Variants in KANK1 observed in about 807,000 individuals in gnomAD.
KANK1 encodes the protein KN motif and ankyrin repeat domains 1.
KANK1 carries 109 observed loss-of-function variants against 106.2 expected under a neutral mutation model. The ratio of observed to expected loss-of-function variants is 1.03; its 90% CI spans 0.88 to 1.20. KANK1 has a LOEUF of 1.20. KANK1 is among the 50% of genes most tolerant of loss of function. The pLI is 0.00. For synonymous variants in KANK1, 873 were observed against 652.2 expected (o/e 1.34, Z -5.16); for missense variants, 2,399 against 1,710.7 (o/e 1.40, Z -7.10).
chr9:732,310 T>C (rs1252860941), intron 5 of KANK1, 68 bp from the exon 6 acceptor site: 3 of 1,534,644 alleles, frequency 2.0e-6, no homozygotes, highest in Non-Finnish European at 1.8e-6. Context: ...AATCCCTTCA[T>C]AGAAATTTCT....
In KANK1 at chr9:730,124, G is replaced by T. The variant is rs1297029198; in HGVS notation, c.2772G>T (p.Gln924His). The change falls in exon 4 of 12, where the codon CAG becomes CAT. Residue 924 changes from glutamine to histidine, a missense_variant. Coordinates refer to ENST00000382297, the MANE Select transcript of KANK1 (RefSeq NM_015158.5). The part of the protein sequence containing the change: ...SGSPLSSQTS[Q>H]PEQEVGTSEG... ...GTCCCTTAAGCTCCCAGACATCCCA[G>T]CCTGAGCAAGAAGTGGGGACCTCAG... 1.2e-6 allele frequency: 2 copies of T among 1,614,060 alleles called. No individual in the cohort carries two copies. Among genetic ancestry groups the T allele is most frequent in the East Asian group, 2.2e-5 (1 of 44,892 alleles).
At chr9:474,572 CT>C (rs535370059) in intron 3 of KANK1, among the ~76,000 whole-genome samples, 6 of 152,186 alleles carry the variant, frequency 3.9e-5, no homozygotes, top group Non-Finnish European at 7.3e-5. Context: ...TTGATGCCCC[CT>C]ATCTTTTCCC....
chr9:503,656 AT>A (rs2058610050), upstream of KANK1, among the ~76,000 whole-genome samples: 1 of 152,164 alleles, frequency 6.6e-6, no homozygotes, highest in South Asian at 2.1e-4. Context: ...CCTTAAGAAA[AT>A]CAGTTGACTG....
At chr9:706,568 C>T (rs375605044) in intron 2 of KANK1, among the ~76,000 whole-genome samples, 7 of 138,066 alleles carry the variant, frequency 5.1e-5, no homozygotes, top group African/African-American at 5.4e-5. Flanking sequence ...CTGTATGTGG[C>T]TTTTTTTTTT....
At position 712,504 on chromosome 9, in the gene KANK1, C is replaced by T. The variant is rs1421637006; in HGVS notation, c.1738C>T (p.Arg580Ter). The change falls in exon 3 of 12, where the codon CGA becomes TGA. Residue 580 changes from arginine (R) to a stop codon, truncating the protein, a stop_gained. Coordinates refer to ENST00000382297, the MANE Select transcript of KANK1 (RefSeq NM_015158.5). LOFTEE classifies it high-confidence loss of function. The part of the protein sequence containing the change: ...IVKERVEMHD[R>*]CAGRSVEMCD... The stretch of plus-strand genomic sequence containing the variant: ...TAAGGAGAGGGTGGAAATGCATGAC[C>T]GATGTGCTGGGAGGTCTGTGGAAAT... 2.5e-6 allele frequency: 4 copies of T among 1,613,958 alleles called. No homozygotes were observed. Among genetic ancestry groups the T allele is most frequent in the Non-Finnish European group, 3.4e-6 (4 of 1,180,032 alleles).
intron 1 of KANK1, among the ~76,000 whole-genome samples, chr9:623,606 AAAAAAAAAAAGAAAAAG>A (rs1183755799): frequency 2.0e-5 from 3 of 150,132 alleles, no homozygotes; most frequent in Admixed American, 1.3e-4. Flanking sequence ...TTGTGTCTCA[AAAAAAAAAAAGAAAAAG>A]AAAAAAAAAA....
At chr9:638,678 C>G (rs1413611697) in intron 1 of KANK1, among the ~76,000 whole-genome samples, 1 of 152,172 alleles carries the variant, frequency 6.6e-6, no homozygotes, top group Non-Finnish European at 1.5e-5. Flanking sequence ...GATAGATGGA[C>G]TTTGTTGTCT....
Position 637,410 on chromosome 9 carries a change from A to G in KANK1, c.-83-39480A>G, listed in dbSNP as rs553671298. Among the ~76,000 whole-genome samples, 142 of 152,312 alleles carry G rather than the reference A, an allele frequency of 9.3e-4. 2 individuals carry two copies. The highest frequency in any genetic ancestry group is 3.2e-3 in the African/African-American group (133 of 41,564). On this transcript the variant is annotated intron_variant, in intron 1 of 11. Transcript: ENST00000382297. ...TTCAACATTCATTTCATTGTGACTAATGATGACTGATAGCTGATGTCATAA... is the reference window on the plus strand; with the variant it reads ...TTCAACATTCATTTCATTGTGACTAGTGATGACTGATAGCTGATGTCATAA...
At chr9:540,636 C>T (rs542718895) in intron 1 of KANK1, 6 of 152,302 alleles carry the variant, frequency 3.9e-5, no homozygotes, top group Non-Finnish European at 8.8e-5. Flanking sequence ...ACCAGTGAAG[C>T]CGTGACATCC....
At chr9:622,260 G>C (rs895214360) in intron 1 of KANK1, among the ~76,000 whole-genome samples, 16 of 152,154 alleles carry the variant, frequency 1.1e-4, no homozygotes, top group African/African-American at 3.9e-4. Context: ...TTAATAATCT[G>C]TGTATATTGT....
intron 1 of KANK1, among the ~76,000 whole-genome samples, chr9:505,475 C>G (rs2058710340): frequency 6.6e-6 from 1 of 152,212 alleles, no homozygotes; most frequent in Non-Finnish European, 1.5e-5. Context: ...CGGGCTGGTC[C>G]CCGAATGTTG....
intron 2 of KANK1, chr9:677,509 T>A (rs10975748): frequency 0.071 from 10,762 of 152,436 alleles, 463 homozygotes; most frequent in Non-Finnish European, 0.094. Flanking sequence ...GACCTGTATT[T>A]GAATTCTTAT....
chr9:709,580 G>A (rs1825343073), intron 2 of KANK1, among the ~76,000 whole-genome samples: 1 of 150,238 alleles, frequency 6.7e-6, no homozygotes, highest in Admixed American at 6.6e-5. Flanking sequence ...GATGACCAAT[G>A]AAATTATCTA....
intron 3 of KANK1, among the ~76,000 whole-genome samples, chr9:728,190 T>C (rs1831248671): frequency 6.6e-6 from 1 of 152,122 alleles, no homozygotes; most frequent in Non-Finnish European, 1.5e-5. Flanking sequence ...TCTTTTTTTG[T>C]TTTGTTTCTT....
intron 1 of KANK1, among the ~76,000 whole-genome samples, chr9:621,693 A>G (rs1274301208): frequency 6.6e-6 from 1 of 152,086 alleles, no homozygotes; most frequent in African/African-American, 2.4e-5. Context: ...GCTCTCAGCA[A>G]GAGCATGGGT....
chr9:710,867 A>G lies in KANK1; in HGVS notation c.101A>G (p.Glu34Gly). Reference protein sequence around the residue: ...DKEQKDPYFVETPYGYQLDLD... With the variant: ...DKEQKDPYFVGTPYGYQLDLD... Reference sequence around the variant, plus strand: ...GAACAGAAAGACCCTTACTTTGTGGAGACCCCCTATGGTTATCAACTAGAC... The same window carrying G: ...GAACAGAAAGACCCTTACTTTGTGGGGACCCCCTATGGTTATCAACTAGAC... Residue 34 changes from glutamate (E) to glycine (G), a missense_variant, in exon 3 of 12, where the codon GAG becomes GGG. Coordinates refer to ENST00000382297, the MANE Select transcript of KANK1 (RefSeq NM_015158.5). 1.2e-6 allele frequency: 2 copies of G among 1,613,604 alleles called. No individual in the cohort carries two copies. The highest frequency in any genetic ancestry group is 8.5e-7 in the Non-Finnish European group (1 of 1,179,764).
intron 3 of KANK1, among the ~76,000 whole-genome samples, chr9:490,847 G>A (rs1437871536): frequency 6.6e-6 from 1 of 151,616 alleles, no homozygotes; most frequent in Non-Finnish European, 1.5e-5. Flanking sequence ...TTCTGACACA[G>A]GAAAACAAAT....
chr9:678,931 A>G (rs1339046280), intron 2 of KANK1, among the ~76,000 whole-genome samples: 1 of 152,064 alleles, frequency 6.6e-6, no homozygotes, highest in Non-Finnish European at 1.5e-5. Flanking sequence ...TCAAGACCTC[A>G]ACCTTCTTCT....
At chr9:541,943 G>T (rs1221688313) in intron 1 of KANK1, among the ~76,000 whole-genome samples, 1 of 151,268 alleles carries the variant, frequency 6.6e-6, no homozygotes, top group African/African-American at 2.4e-5. Context: ...CAAAAAATTA[G>T]CCGGGCGTGG....
Sources: allele counts gnomAD v4.1 joint callset (sites outside exome capture counted in the v4.1 genomes callset), GRCh38; gene constraint gnomAD v4.1.1; transcripts MANE v1.5; gene names NCBI Gene and HGNC (gene_info 2026-07-23, HGNC 2026-07-21).